Variants in SCAMP4 observed in about 807,000 individuals in gnomAD.
SCAMP4 encodes the protein secretory carrier-associated membrane protein 4.
Under a neutral mutation model 32.1 loss-of-function variants are expected in SCAMP4, and 19 were observed. That is an observed-to-expected ratio of 0.59 (90% CI 0.41 to 0.87). The LOEUF (loss-of-function observed/expected upper bound fraction) is 0.87, where lower values mean the gene tolerates loss of function less well. SCAMP4 is among the 40% of genes least tolerant of loss of function. SCAMP4 has a pLI of 0.00. For synonymous variants in SCAMP4, 152 were observed against 132.7 expected (o/e 1.15, Z -1.00); for missense variants, 302 against 309.0 (o/e 0.98, Z 0.17).
intron 6 of SCAMP4, 100 bp downstream of exon 6, chr19:1,923,287 T>TC: frequency 9.9e-7 from 1 of 1,014,478 alleles, no homozygotes; most frequent in South Asian, 1.7e-5. Flanking sequence ...CCGGGCCCTC[T>TC]CCCCACGGTG....
At chr19:1,922,086 A>G (rs1182119843) in intron 5 of SCAMP4, 5 of 985,300 alleles carry the variant, frequency 5.1e-6, no homozygotes, top group Non-Finnish European at 4.8e-6. Flanking sequence ...AGTTCCCTGA[A>G]TTTTAAACCC....
intron 4 of SCAMP4, 69 bp from the exon 5 acceptor site, chr19:1,918,820 G>A (rs1243214844): frequency 2.6e-5 from 40 of 1,549,624 alleles, no homozygotes; most frequent in Middle Eastern, 1.7e-4. Context: ...TGACTGGCCC[G>A]TTCCTCTCTA....
rs2013943332 is a variant in SCAMP4 at position 1,922,308 on chromosome 19, G to A, written c.396-762G>A. The stretch of plus-strand genomic sequence containing the variant: ...AGAATCTTGCTCTGTCCCCCAGGCT[G>A]GAGAGCAACGGCACGATCTCGGCTC... On this transcript the variant is annotated intron_variant, in intron 5 of 6. Coordinates refer to ENST00000316097, the MANE Select transcript of SCAMP4 (RefSeq NM_079834.4). 5.2e-6 allele frequency: 5 copies of A among 955,564 alleles called. No individual in the cohort carries two copies. The South Asian group carries it at 1.9e-4, about 37-fold the overall frequency. 59.2% of individuals were successfully genotyped at this position (955,564 alleles called of 1,614,324 possible).
chr19:1,921,342 G>A, intron 5 of SCAMP4: 2 of 985,452 alleles, frequency 2.0e-6, no homozygotes, highest in Non-Finnish European at 2.4e-6. Flanking sequence ...CATCTGTGGT[G>A]GCAGAGGACT....
chr19:1,921,735 T>C lies in SCAMP4; in HGVS notation c.396-1335T>C, dbSNP rs2013926951. The C allele has an allele frequency of 2.0e-5, 20 of 984,520 alleles. No individual in the cohort carries two copies. In the South Asian group the frequency reaches 7.1e-4, roughly 35 times the overall value. 61.0% of individuals were successfully genotyped at this position (984,520 alleles called of 1,614,324 possible). The stretch of plus-strand genomic sequence containing the variant: ...GCTGACGCCTGTAATCCCAGCGCTT[T>C]GGGAGGCCAAAGCAGGAGAATCACT... On this transcript the variant is annotated intron_variant, in intron 5 of 6. Coordinates refer to ENST00000316097, the MANE Select transcript of SCAMP4 (RefSeq NM_079834.4).
chr19:1,924,056 GGCC>G (rs1383774158), intron 6 of SCAMP4, 49 bp from the exon 7 acceptor site: 6 of 1,532,400 alleles, frequency 3.9e-6, no homozygotes, highest in Non-Finnish European at 4.4e-6. Flanking sequence ...CCCCGTGCCC[GGCC>G]GCCATGCTCA....
chr19:1,921,389 C>G (rs1264715867), intron 5 of SCAMP4: 8 of 985,340 alleles, frequency 8.1e-6, no homozygotes, highest in African/African-American at 1.7e-5. Flanking sequence ...CGGGGCCTAG[C>G]TGTGTAGATG....
At chr19:1,921,960 G>A (rs918099944) in intron 5 of SCAMP4, 38 of 985,478 alleles carry the variant, frequency 3.9e-5, no homozygotes, top group Admixed American at 1.2e-4. Context: ...ATCACGCCCC[G>A]TGCATGTGTG....
In SCAMP4 at chr19:1,908,643, G is replaced by A. The variant is rs780580272; in HGVS notation, c.-42+3204G>A. ...ATAACTGTGAGCACACAGGTAGTAAGGTTTTTAGGATTTTATTATTATTTA... is the reference window on the plus strand; with the variant it reads ...ATAACTGTGAGCACACAGGTAGTAAAGTTTTTAGGATTTTATTATTATTTA... On this transcript the variant is annotated intron_variant, in intron 1 of 6. Coordinates refer to ENST00000316097, the MANE Select transcript of SCAMP4 (RefSeq NM_079834.4). This position sits in a 1 kb window ranked among gnomAD's most constrained non-coding sequence, Gnocchi z 4.2. 18 of 452,938 alleles carry A rather than the reference G, an allele frequency of 4.0e-5. No individual in the cohort carries two copies. The highest frequency in any genetic ancestry group is 3.4e-4 in the Middle Eastern group (1 of 2,974). 28.1% of individuals were successfully genotyped at this position (452,938 alleles called of 1,614,324 possible). A position where few individuals can be genotyped will look rare whatever the true frequency, so the allele number is the denominator to read the frequency against.
At chr19:1,906,768 G>C (rs2013136926) in intron 1 of SCAMP4, 1 of 151,594 alleles carries the variant, frequency 6.6e-6, no homozygotes, top group Admixed American at 6.6e-5. Flanking sequence ...GGAAAATGGT[G>C]TGAACTCAGG....
chr19:1,921,934 C>A, intron 5 of SCAMP4: 5 of 985,490 alleles, frequency 5.1e-6, no homozygotes, highest in Non-Finnish European at 6.0e-6. Flanking sequence ...GCGGGGGGTA[C>A]CGCGTGTGCG....
intron 1 of SCAMP4, chr19:1,913,369 G>T: frequency 1.5e-6 from 1 of 682,784 alleles, no homozygotes; most frequent in African/African-American, 1.9e-5. Context: ...TTCTGCGGCC[G>T]CCCTTGCTGC....
chr19:1,918,833 C>G (rs1181657752), intron 4 of SCAMP4, 56 bp from the exon 5 acceptor site: 1 of 1,559,618 alleles, frequency 6.4e-7, no homozygotes, highest in South Asian at 1.2e-5. Flanking sequence ...CCTCTCTAGG[C>G]GCGTCTGGGA....
In SCAMP4 at chr19:1,912,053, C is replaced by T. The variant is rs1183947545; in HGVS notation, c.-41-2926C>T. ...CAGCCGCCCGCAGCCGCCGGATGAT[C>T]CTCTGCTCCCGTCTCTGTCTCCCAC... is the stretch of plus-strand genomic sequence containing the variant. On this transcript the variant is annotated intron_variant, in intron 1 of 6. Coordinates refer to ENST00000316097, the MANE Select transcript of SCAMP4 (RefSeq NM_079834.4). The T allele has an allele frequency of 2.1e-6, 3 of 1,424,640 alleles. No individual in the cohort carries two copies. In the East Asian group the frequency reaches 8.4e-5, roughly 40 times the overall value. 88.2% of individuals were successfully genotyped at this position (1,424,640 alleles called of 1,614,324 possible). A position where few individuals can be genotyped will look rare whatever the true frequency, so the allele number is the denominator to read the frequency against.
At position 1,924,592 on chromosome 19, in the gene SCAMP4, C is replaced by T. The variant is rs1192152328; in HGVS notation, c.*308C>T. On this transcript the variant is annotated 3_prime_UTR_variant, in exon 7 of 7. Coordinates refer to ENST00000316097, the MANE Select transcript of SCAMP4 (RefSeq NM_079834.4). ...TGCACGGCTGGTACGGCCTTGTCTT[C>T]AGGTCTCGAGGCCTGACTCCGGGGG... 2.7e-6 allele frequency: 1 copy of T among 376,678 alleles called. No individual in the cohort carries two copies. The highest frequency in any genetic ancestry group is 5.1e-6 in the Non-Finnish European group (1 of 196,456). 23.3% of individuals were successfully genotyped at this position (376,678 alleles called of 1,614,324 possible). A position where few individuals can be genotyped will look rare whatever the true frequency, so the allele number is the denominator to read the frequency against.
intron 1 of SCAMP4, among the ~76,000 whole-genome samples, chr19:1,909,104 G>T (rs77884541): frequency 1.5e-5 from 2 of 129,882 alleles, no homozygotes; most frequent in Admixed American, 1.6e-4. Flanking sequence ...GACTCTGTCT[G>T]AAAAAAAAAA....
chr19:1,913,551 C>T, intron 1 of SCAMP4: 1 of 222,132 alleles, frequency 4.5e-6, no homozygotes, highest in Non-Finnish European at 8.9e-6. Context: ...TGCTGAGCCA[C>T]GTGTGGTCAG....
At chr19:1,912,475 C>A in intron 1 of SCAMP4, 1 of 1,500,608 alleles carries the variant, frequency 6.7e-7, no homozygotes, top group South Asian at 1.2e-5. Context: ...TTCCTGGTGC[C>A]CGTGCCCGCC....
In SCAMP4 at chr19:1,918,251, G is replaced by T. The variant is rs773503682; in HGVS notation, c.261G>T (p.Val87=). The T allele has an allele frequency of 6.2e-6, 10 of 1,608,434 alleles. No individual in the cohort carries two copies. The highest frequency in any genetic ancestry group is 1.7e-4 in the Middle Eastern group (1 of 6,060). ...WLLLFTPCGY[V]CWFRPVYKAF... ...TCCTGTTCACGCCTTGCGGCTACGT[G>T]TGCTGGTTCCGGCCTGTCTACAAGG... Residue 87 remains valine, a synonymous_variant, in exon 4 of 7, where the codon GTG becomes GTT. Coordinates refer to ENST00000316097, the MANE Select transcript of SCAMP4 (RefSeq NM_079834.4).
Sources: allele counts gnomAD v4.1 joint callset (sites outside exome capture counted in the v4.1 genomes callset), GRCh38; gene constraint gnomAD v4.1.1; non-coding constraint Gnocchi (gnomAD v3.1); transcripts MANE v1.5; gene names NCBI Gene and HGNC (gene_info 2026-07-23, HGNC 2026-07-21).